Variants in CRIM1 observed in about 807,000 individuals in gnomAD.
CRIM1 encodes cysteine-rich motor neuron 1 protein.
In CRIM1, 32 loss-of-function variants were observed where a neutral mutation model predicts 116.4. That is an observed-to-expected ratio of 0.27 (90% CI 0.21 to 0.37). The LOEUF (loss-of-function observed/expected upper bound fraction) is 0.37. Ranked by LOEUF, CRIM1 falls within the 10% of genes least tolerant of loss-of-function variation. The pLI is 1.00. For synonymous variants in CRIM1, 590 were observed against 509.2 expected (o/e 1.16, Z -2.13); for missense variants, 1,331 against 1,354.8 (o/e 0.98, Z 0.28).
At chr2:36,505,550 G>A (rs1438671971) in intron 8 of CRIM1, among the ~76,000 whole-genome samples, 1 of 57,862 alleles carries the variant, frequency 1.7e-5, no homozygotes, top group Non-Finnish European at 3.7e-5. Context: ...TGGTTGTAGT[G>A]GTGCTGTGTT....
chr2:36,516,553 T>A (rs884216), intron 11 of CRIM1, among the ~76,000 whole-genome samples: 118,975 of 152,096 alleles, frequency 0.78, 46,671 homozygotes, highest in African/African-American at 0.82. Flanking sequence ...AATGATAGTT[T>A]TCACCAGCCT....
At chr2:36,387,678 G>A (rs915001094) in intron 1 of CRIM1, among the ~76,000 whole-genome samples, 2 of 152,206 alleles carry the variant, frequency 1.3e-5, no homozygotes, top group African/African-American at 2.4e-5. Flanking sequence ...GAGCCATTCA[G>A]TGTCTAACTT....
intron 2 of CRIM1, among the ~76,000 whole-genome samples, chr2:36,440,212 CT>C (rs1463699104): frequency 2.6e-5 from 4 of 152,162 alleles, no homozygotes; most frequent in African/African-American, 9.7e-5. Flanking sequence ...CTCAGACGTT[CT>C]TTATCTACAA....
chr2:36,509,377 A>G (rs572733872), intron 8 of CRIM1, among the ~76,000 whole-genome samples: 2 of 152,250 alleles, frequency 1.3e-5, no homozygotes, highest in East Asian at 1.9e-4. Flanking sequence ...AAATACAAAA[A>G]TTAGCTGGGC....
rs147835468 is a variant in CRIM1, at chr2:36,386,457, G to C, written c.332-10157G>C. Among the ~76,000 whole-genome samples the C allele has an allele frequency of 2.0e-5, 3 of 152,306 alleles. No homozygotes were observed. The East Asian group carries it at 5.8e-4, about 29-fold the overall frequency. ...AATATTTCACAAGTAGGAAGACTGA[G>C]ATCCAAAGATGTTTCTCTGTTATTT... On this transcript the variant is annotated intron_variant, in intron 1 of 16. Coordinates refer to ENST00000280527, the MANE Select transcript of CRIM1 (RefSeq NM_016441.3).
Position 36,356,610 on chromosome 2 carries a change from G to C in CRIM1, c.318G>C (p.Ala106=), listed in dbSNP as rs1252055930. The C allele has an allele frequency of 5.6e-6, 9 of 1,608,098 alleles. No individual in the cohort carries two copies. The highest frequency in any genetic ancestry group is 7.6e-6 in the Non-Finnish European group (9 of 1,178,216). The part of the protein sequence containing the change: ...LNGDSLTEYE[A]GVCEDENWTD... ...GCGACTCCCTCACCGAGTACGAAGC[G>C]GGCGTTTGCGAAGGTACGGCCGCCC... is the stretch of plus-strand genomic sequence containing the variant. Residue 106 remains alanine, a synonymous_variant, in exon 1 of 17, where the codon GCG becomes GCC. Transcript: ENST00000280527. The surrounding 1 kb of genome is among the most constrained non-coding windows in gnomAD (Gnocchi z 4.3).
At chr2:36,403,070 A>G (rs955170113) in intron 2 of CRIM1, among the ~76,000 whole-genome samples, 1 of 152,216 alleles carries the variant, frequency 6.6e-6, no homozygotes, top group Non-Finnish European at 1.5e-5. Context: ...GTATAGAAAA[A>G]TAAGAATAAC....
intron 2 of CRIM1, among the ~76,000 whole-genome samples, chr2:36,399,714 C>T (rs1311116940): frequency 6.6e-6 from 1 of 151,974 alleles, no homozygotes; most frequent in Non-Finnish European, 1.5e-5. Flanking sequence ...GAAGGAAAAG[C>T]CAATAATGTA....
intron 2 of CRIM1, among the ~76,000 whole-genome samples, chr2:36,412,001 A>G (rs985744281): frequency 6.6e-6 from 1 of 152,154 alleles, no homozygotes; most frequent in African/African-American, 2.4e-5. Flanking sequence ...CTTCCCGCAC[A>G]CTAGTGAAGC....
chr2:36,523,112 G>A (rs1361658785), intron 13 of CRIM1, among the ~76,000 whole-genome samples: 7 of 151,892 alleles, frequency 4.6e-5, no homozygotes, highest in Non-Finnish European at 7.4e-5. Flanking sequence ...CTGCCACCTC[G>A]CCTAGCTAAT....
chr2:36,437,725 A>G (rs550008388), intron 2 of CRIM1, among the ~76,000 whole-genome samples: 1 of 152,314 alleles, frequency 6.6e-6, no homozygotes, highest in South Asian at 2.1e-4. Context: ...AGCCTACCCT[A>G]TTCCACTTTT....
At chr2:36,492,141 T>G (rs559085437) in intron 7 of CRIM1, among the ~76,000 whole-genome samples, 3 of 152,314 alleles carry the variant, frequency 2.0e-5, no homozygotes, top group African/African-American at 7.2e-5. Context: ...GGGAAAAGCA[T>G]ACAAAATTAA....
At chr2:36,466,190 A>G (rs1346661306) in intron 5 of CRIM1, among the ~76,000 whole-genome samples, 1 of 151,924 alleles carries the variant, frequency 6.6e-6, no homozygotes, top group Non-Finnish European at 1.5e-5. Flanking sequence ...CCGGCCAATA[A>G]TCTTCTGTGT....
chr2:36,522,041 G>GT (rs781769882), intron 12 of CRIM1, 51 bp from the exon 13 acceptor site: 1 of 1,518,086 alleles, frequency 6.6e-7, no homozygotes, highest in African/African-American at 1.4e-5. Flanking sequence ...ATGTTGCATA[G>GT]TTGCTGGCCA....
At position 36,356,599 on chromosome 2, in the gene CRIM1, G is replaced by A. The variant is rs1410771668; in HGVS notation, c.307G>A (p.Glu103Lys). 1.9e-6 allele frequency: 3 copies of A among 1,610,312 alleles called. No homozygotes were observed. Among genetic ancestry groups the A allele is most frequent in the Non-Finnish European group, 2.5e-6 (3 of 1,179,306 alleles). The change falls in exon 1 of 17, where the codon GAG (glutamate) becomes AAG (lysine). Residue 103 changes from glutamate (E) to lysine (K), a missense_variant. Physicochemically the swap from Glu to Lys is moderately conservative, Grantham distance 56. This residue lies in a region of CRIM1 where 690 missense variants were observed against 676.0 expected (regional missense o/e 1.02). Transcript: ENST00000280527. This position sits in a 1 kb window ranked among gnomAD's most constrained non-coding sequence, Gnocchi z 4.3. ...RPPLNGDSLT[E>K]YEAGVCEDEN... ...CCCGCTCAATGGCGACTCCCTCACC[G>A]AGTACGAAGCGGGCGTTTGCGAAGG...
At chr2:36,376,309 A>G (rs1046303413) in intron 1 of CRIM1, among the ~76,000 whole-genome samples, 5 of 152,210 alleles carry the variant, frequency 3.3e-5, no homozygotes, top group African/African-American at 1.2e-4. Context: ...TTACAGTGAA[A>G]TGGATTTGTA....
chr2:36,487,386 A>G (rs1679901613), intron 7 of CRIM1, among the ~76,000 whole-genome samples: 3 of 152,200 alleles, frequency 2.0e-5, no homozygotes, highest in African/African-American at 4.8e-5. Flanking sequence ...GGAAAAATGT[A>G]TACTTACTCC....
rs184546173 is a variant in CRIM1 at position 36,534,942 on chromosome 2, T to A, written c.2429-2410T>A. 3.2e-3 allele frequency among the ~76,000 whole-genome samples: 482 copies of A among 152,314 alleles called. 4 individuals carry two copies. The highest frequency in any genetic ancestry group is 5.9e-3 in the Admixed American group (90 of 15,298). On this transcript the variant is annotated intron_variant, in intron 13 of 16. Coordinates refer to ENST00000280527, the MANE Select transcript of CRIM1 (RefSeq NM_016441.3). ...TAAAATATAATCAGTGATACTGCTC[T>A]ATCAAACATTGCTTCTTTTCATAAA...
intron 1 of CRIM1, among the ~76,000 whole-genome samples, chr2:36,377,712 A>G (rs1193567351): frequency 7.2e-5 from 11 of 152,232 alleles, no homozygotes; most frequent in Non-Finnish European, 1.3e-4. Context: ...TATGGTTTAT[A>G]CATAGCACAT....
Sources: gnomAD v4.1 joint callset for allele counts (sites outside exome capture counted in the v4.1 genomes callset) on GRCh38, gnomAD v4.1.1 for gene constraint, gnomAD v4.1.1 regional missense constraint, Gnocchi (gnomAD v3.1) non-coding constraint, MANE v1.5 for transcripts, NCBI Gene and HGNC (gene_info 2026-07-23, HGNC 2026-07-21) for gene names.